PTBP1: variants seen among roughly 807,000 people sequenced by gnomAD.
The protein encoded by PTBP1 is polypyrimidine tract-binding protein 1.
PTBP1 carries 8 observed loss-of-function variants against 59.8 expected under a neutral mutation model. The ratio of observed to expected loss-of-function variants is 0.13; its 90% confidence interval spans 0.08 to 0.24. The LOEUF is 0.24. PTBP1 is among the 10% of genes least tolerant of loss of function. The probability of loss-of-function intolerance (pLI) is 1.00; values close to 1 mark genes in which losing one functional copy is unlikely to be tolerated. For missense variants in PTBP1, 686 were observed against 767.0 expected (o/e 0.89, Z 1.25); for synonymous variants, 490 against 320.7 (o/e 1.53, Z -5.64).
At position 808,494 on chromosome 19, in the gene PTBP1, G is replaced by A. The variant is rs372295268; in HGVS notation, c.1246+42G>A. On this transcript the variant is annotated intron_variant, in intron 12 of 14. Transcript: ENST00000356948. The surrounding 1 kb of genome is among the most constrained non-coding windows in gnomAD (Gnocchi z 4.7). Reference sequence around the variant, plus strand: ...GCCCCGGGGTGGAGGGGGCAGGGGCGGGGGCTGCGTTCCCTCTCGGGCGCC... The same window carrying A: ...GCCCCGGGGTGGAGGGGGCAGGGGCAGGGGCTGCGTTCCCTCTCGGGCGCC... 3.4e-5 allele frequency: 53 copies of A among 1,557,708 alleles called. No homozygotes were observed. The highest frequency in any genetic ancestry group is 2.1e-4 in the Admixed American group (11 of 52,382).
intron 10 of PTBP1, 49 bp from the exon 11 acceptor site, chr19:807,820 C>T (rs2034649825): frequency 1.3e-6 from 2 of 1,542,434 alleles, no homozygotes; most frequent in South Asian, 2.2e-5. Context: ...CCCCCTTGAC[C>T]TCTCCCTCTC....
intron 6 of PTBP1, 45 bp from the exon 7 acceptor site, chr19:804,784 G>C (rs754909748): frequency 6.2e-7 from 1 of 1,608,270 alleles, no homozygotes; most frequent in South Asian, 1.1e-5. Context: ...TGGCAGGGCT[G>C]GTGGGCACCG....
At chr19:798,010 G>A (rs993950600) in intron 1 of PTBP1, among the ~76,000 whole-genome samples, 2 of 150,772 alleles carry the variant, frequency 1.3e-5, no homozygotes, top group African/African-American at 4.8e-5. Context: ...AGCCCCGGAA[G>A]CGCAGGCGGG....
At position 806,544 on chromosome 19, in the gene PTBP1, C is replaced by T. The variant is rs772679419; in HGVS notation, c.1107C>T (p.Asn369=). The change falls in exon 10 of 15, where the codon AAC becomes AAT. Residue 369 remains asparagine, a synonymous_variant. Transcript: ENST00000356948. ...GAGNSVLLVS[N]LNPERVTPQS... ...GAAATTCTGTATTGCTGGTCAGCAA[C>T]CTCAACCCAGAGGTACGTGGGCTTT... 1.8e-5 allele frequency: 27 copies of T among 1,531,506 alleles called. No individual in the cohort carries two copies. The highest frequency in any genetic ancestry group is 1.4e-4 in the African/African-American group (10 of 69,684). The allele number at this position is 1,531,506 out of a possible 1,614,324, so 94.9% of individuals were successfully genotyped here.
At chr19:809,985 A>T (rs2034778756) in intron 13 of PTBP1, among the ~76,000 whole-genome samples, 1 of 152,192 alleles carries the variant, frequency 6.6e-6, no homozygotes. Flanking sequence ...TTTGATATTT[A>T]ACACGTTACT....
intron 10 of PTBP1, chr19:807,072 G>C (rs1018246928): frequency 2.0e-5 from 3 of 152,502 alleles, no homozygotes; most frequent in African/African-American, 7.2e-5. Context: ...ATTTCAGGCT[G>C]TTCTGTTTCC....
chr19:805,663 TGGGCACTCGAGTGCCAGGTCAG>T (rs2034531804), intron 9 of PTBP1, 94 bp downstream of exon 9: 1 of 1,096,274 alleles, frequency 9.1e-7, no homozygotes, highest in African/African-American at 1.6e-5. Flanking sequence ...CTGGGCGGAC[TGGGCACTCGAGTGCCAGGTCAG>T]GGGCCCTTCC....
At chr19:800,012 C>T (rs1370088876) in intron 2 of PTBP1, among the ~76,000 whole-genome samples, 3 of 151,922 alleles carry the variant, frequency 2.0e-5, no homozygotes, top group African/African-American at 7.3e-5. Flanking sequence ...CTGCAACCTC[C>T]ACCTCTCAGG....
At position 801,820 on chromosome 19, in the gene PTBP1, C is replaced by T. The variant is rs12611349; in HGVS notation, c.40-1741C>T. Among the ~76,000 whole-genome samples the T allele has an allele frequency of 7.6e-4, 116 of 152,290 alleles. 2 individuals are homozygous for T. The East Asian group carries it at 0.021, about 28-fold the overall frequency. ...CGTGGTTTCCACCTGAGGCGGCTGG[C>T]TCTGACCCCTTTCCCCTGGGCCTGC... is the stretch of plus-strand genomic sequence containing the variant. On this transcript the variant is annotated intron_variant, in intron 2 of 14. Coordinates refer to ENST00000356948, the MANE Select transcript of PTBP1 (RefSeq NM_002819.5).
chr19:800,649 C>G (rs1227877854), intron 2 of PTBP1, among the ~76,000 whole-genome samples: 1 of 152,206 alleles, frequency 6.6e-6, no homozygotes, highest in Non-Finnish European at 1.5e-5. Context: ...AAGTGGACTG[C>G]TGTCTTTACG....
At chr19:799,719 C>T (rs758622003) in intron 2 of PTBP1, among the ~76,000 whole-genome samples, 7 of 152,210 alleles carry the variant, frequency 4.6e-5, no homozygotes, top group Non-Finnish European at 7.3e-5. Flanking sequence ...TCTGTGTGCC[C>T]CAGGCCTGCC....
At chr19:803,469 A>T in intron 2 of PTBP1, 92 bp from the exon 3 acceptor site, 1 of 1,086,378 alleles carries the variant, frequency 9.2e-7, no homozygotes, top group Non-Finnish European at 1.4e-6. Context: ...CTGGGACCCC[A>T]GGCAGCCCAA....
chr19:811,152 C>T lies in PTBP1; in HGVS notation c.*326C>T, dbSNP rs928785388. 13 of 228,240 alleles carry T rather than the reference C, an allele frequency of 5.7e-5. No individual in the cohort carries two copies. The highest frequency in any genetic ancestry group is 3.0e-4 in the African/African-American group (13 of 43,978). The allele number at this position is 228,240 out of a possible 1,614,324, so 14.1% of individuals were successfully genotyped here. A position where few individuals can be genotyped will look rare whatever the true frequency, so the allele number is the denominator to read the frequency against. ...GGCGCCCCGACCACGACTTGGCTTC[C>T]TTGTGCCTTAAAAAACCTGCCTTCC... On this transcript the variant is annotated 3_prime_UTR_variant, in exon 15 of 15. Transcript: ENST00000356948.
At position 811,080 on chromosome 19, in the gene PTBP1, G is replaced by T; in HGVS notation, c.*254G>T. 1 of 396,708 alleles carries T rather than the reference G, an allele frequency of 2.5e-6. No individual in the cohort carries two copies. The highest frequency in any genetic ancestry group is 4.4e-6 in the Non-Finnish European group (1 of 225,690). The allele number at this position is 396,708 out of a possible 1,614,324, so 24.6% of individuals were successfully genotyped here. A position where few individuals can be genotyped will look rare whatever the true frequency, so the allele number is the denominator to read the frequency against. ...CTCCACACCCGGGGCCAGACCCTCGGGGCCATGCCTTGGTGGGGCCTGTGT... is the reference window on the plus strand; with the variant it reads ...CTCCACACCCGGGGCCAGACCCTCGTGGCCATGCCTTGGTGGGGCCTGTGT... On this transcript the variant is annotated 3_prime_UTR_variant, in exon 15 of 15. Transcript: ENST00000356948.
intron 9 of PTBP1, chr19:806,175 A>C (rs2034561230): frequency 2.2e-6 from 1 of 446,842 alleles, no homozygotes. Flanking sequence ...CATGCAGATG[A>C]GCCCAGGCCC....
At position 804,528 on chromosome 19, in the gene PTBP1, A is replaced by C. The variant is rs776686935; in HGVS notation, c.436-4A>C. The C allele has an allele frequency of 6.2e-7, 1 of 1,600,302 alleles. No homozygotes were observed. Among genetic ancestry groups the C allele is most frequent in the Admixed American group, 1.7e-5 (1 of 59,384 alleles). ...CCGGGGACTCACGGCTGTGCCTCCC[A>C]CAGCGGGCCCAGGCGGCCCTGCAGG... is the stretch of plus-strand genomic sequence containing the variant. On this transcript the variant is annotated splice_region_variant and splice_polypyrimidine_tract_variant and intron_variant, in intron 5 of 14. Transcript: ENST00000356948.
At chr19:802,077 C>G (rs946204225) in intron 2 of PTBP1, among the ~76,000 whole-genome samples, 2 of 152,204 alleles carry the variant, frequency 1.3e-5, no homozygotes, top group African/African-American at 4.8e-5. Context: ...CTTGTGGCTG[C>G]TCGATTGCTT....
chr19:809,031 C>A (rs777099364), intron 13 of PTBP1, among the ~76,000 whole-genome samples: 1 of 152,018 alleles, frequency 6.6e-6, no homozygotes, highest in African/African-American at 2.4e-5. Context: ...TTTTTTGAGG[C>A]GAAGTCTTGC....
chr19:802,199 G>T (rs1042638133), intron 2 of PTBP1, among the ~76,000 whole-genome samples: 1 of 152,336 alleles, frequency 6.6e-6, no homozygotes, highest in South Asian at 2.1e-4. Flanking sequence ...AGCAGGTGCC[G>T]GAGTCTCCCG....
Sources: gnomAD v4.1 joint callset for allele counts (sites outside exome capture counted in the v4.1 genomes callset) on GRCh38, gnomAD v4.1.1 for gene constraint, Gnocchi (gnomAD v3.1) non-coding constraint, MANE v1.5 for transcripts, NCBI Gene and HGNC (gene_info 2026-07-23, HGNC 2026-07-21) for gene names.